The following SNX14 variants were observed in gnomAD, a reference collection of about 807,000 sequenced individuals.
SNX14 encodes the protein sorting nexin 14.
SNX14 carries 93 observed loss-of-function variants against 133.8 expected under a neutral mutation model. That is an observed-to-expected ratio of 0.70 (90% CI 0.59 to 0.83). SNX14 has a LOEUF of 0.83. SNX14 is among the 40% of genes least tolerant of loss of function. The pLI is 0.00. For synonymous variants in SNX14, 368 were observed against 365.6 expected, an observed-to-expected ratio of 1.01 and a Z score of -0.07; for missense variants, 945 against 1,094.9, an observed-to-expected ratio of 0.86 and a Z score of 1.93.
At chr6:85,589,380 C>T in intron 1 of SNX14, 1 of 153,712 alleles carries the variant, frequency 6.5e-6, no homozygotes, top group East Asian at 1.9e-4. Context: ...ACCTCCACAT[C>T]CAGCTAAATT....
chr6:85,565,803 TATAAA>T (rs776709246), intron 5 of SNX14, among the ~76,000 whole-genome samples: 25 of 152,168 alleles, frequency 1.6e-4, no homozygotes, highest in Non-Finnish European at 3.2e-4. Context: ...TTAAAATACT[TATAAA>T]ATAAATTCTA....
In SNX14 at chr6:85,593,464, C is replaced by T. The variant is rs932107175; in HGVS notation, c.140+115G>A. On this transcript the variant is annotated intron_variant, in intron 1 of 28. Transcript: ENST00000314673. Reference sequence around the variant, plus strand: ...GCCGCTCCTCTGCGGAGCTCGCTCTCCCCACTGGTCCCCAGTCCCGCAGCT... The same window carrying T: ...GCCGCTCCTCTGCGGAGCTCGCTCTTCCCACTGGTCCCCAGTCCCGCAGCT... 6.3e-6 allele frequency: 9 copies of T among 1,427,406 alleles called. No individual in the cohort carries two copies. In the East Asian group the frequency reaches 1.3e-4, roughly 21 times the overall value. The allele number at this position is 1,427,406 out of a possible 1,614,324, so 88.4% of individuals were successfully genotyped here.
At chr6:85,580,747 G>C (rs991856272) in intron 1 of SNX14, among the ~76,000 whole-genome samples, 2 of 152,176 alleles carry the variant, frequency 1.3e-5, no homozygotes, top group Admixed American at 6.5e-5. Context: ...GGTGGTAGTT[G>C]ACACGGAGAG....
intron 21 of SNX14, 48 bp from the exon 22 acceptor site, chr6:85,518,096 A>G: frequency 6.9e-7 from 1 of 1,448,102 alleles, no homozygotes; most frequent in Non-Finnish European, 9.6e-7. Flanking sequence ...AAAACTCTTC[A>G]TAATTGCTCA....
chr6:85,508,642 C>CAAACCAATCT (rs535699550), intron 26 of SNX14, among the ~76,000 whole-genome samples: 2,502 of 152,154 alleles, frequency 0.016, 35 homozygotes, highest in Middle Eastern at 0.051. Flanking sequence ...GCATAAGTTA[C>CAAACCAATCT]TATTAACCAT....
intron 10 of SNX14, 52 bp from the exon 11 acceptor site, chr6:85,547,449 A>T (rs1034423428): frequency 5.0e-6 from 8 of 1,605,750 alleles, no homozygotes; most frequent in Admixed American, 1.7e-5. Flanking sequence ...TTGATTTGAC[A>T]TACAAAATCA....
intron 21 of SNX14, among the ~76,000 whole-genome samples, chr6:85,524,783 CAG>C (rs1778046917): frequency 1.7e-5 from 2 of 114,498 alleles, no homozygotes; most frequent in South Asian, 5.6e-4. Flanking sequence ...GATTCCATCA[CAG>C]AAAAAAAAAA....
At position 85,572,542 on chromosome 6, in the gene SNX14, A is replaced by T. The variant is rs75116830; in HGVS notation, c.262-168T>A. 6.6e-3 allele frequency among the ~76,000 whole-genome samples: 947 copies of T among 142,674 alleles called. 7 individuals carry two copies. The highest frequency in any genetic ancestry group is 0.022 in the African/African-American group (898 of 40,524). 93.6% of individuals were successfully genotyped at this position (142,674 alleles called of 152,430 possible). ...CTTTGTAATACATAATACTGGCTAA[A>T]CTAAACCATCAGAGAAAAAAATACC... On this transcript the variant is annotated intron_variant, in intron 2 of 28. Transcript: ENST00000314673.
In SNX14 at chr6:85,546,689, G is replaced by A. The variant is rs141108166; in HGVS notation, c.1108+423C>T. Among the ~76,000 whole-genome samples, 1,171 of 152,182 alleles carry A rather than the reference G, an allele frequency of 7.7e-3. 13 individuals carry two copies. Among genetic ancestry groups the A allele is most frequent in the African/African-American group, 0.027 (1,129 of 41,538 alleles). On this transcript the variant is annotated intron_variant, in intron 12 of 28. Coordinates refer to ENST00000314673, the MANE Select transcript of SNX14 (RefSeq NM_153816.6). ...TAGAAAATCAAGTATATGGCCGGGC[G>A]CGGTGGCTCACGCCTGTAACCCCAG...
chr6:85,570,647 G>A (rs1795234871), intron 4 of SNX14, among the ~76,000 whole-genome samples: 1 of 152,116 alleles, frequency 6.6e-6, no homozygotes, highest in South Asian at 2.1e-4. Context: ...AAGGTCAGGA[G>A]TTCGAGACCA....
At chr6:85,577,691 C>T (rs1377914733) in intron 1 of SNX14, among the ~76,000 whole-genome samples, 2 of 151,858 alleles carry the variant, frequency 1.3e-5, no homozygotes, top group East Asian at 3.9e-4. Context: ...ATTTAAGAAC[C>T]AGGCAGAGGA....
At chr6:85,548,216 G>T in intron 9 of SNX14, 85 bp downstream of exon 9, 1 of 935,066 alleles carries the variant, frequency 1.1e-6, no homozygotes, top group South Asian at 1.5e-5. Flanking sequence ...CAGTATCACT[G>T]ACTATATACA....
At position 85,507,568 on chromosome 6, in the gene SNX14, AAC is replaced by A. The variant is rs1298507642; in HGVS notation, c.2746-281_2746-280del. Among the ~76,000 whole-genome samples, 4 of 152,312 alleles carry A rather than the reference AAC, an allele frequency of 2.6e-5. No homozygotes were observed. In the East Asian group the frequency reaches 7.7e-4, roughly 29 times the overall value. On this transcript the variant is annotated intron_variant, in intron 27 of 28. Transcript: ENST00000314673. ...ATATTTGAATTTTTAGAAAAACAAG[AAC>A]ACAAAATCACAACTGTATTGAGATC... is the stretch of plus-strand genomic sequence containing the variant.
chr6:85,543,197 G>A lies in SNX14; in HGVS notation c.1374C>T (p.Phe458=), dbSNP rs755269735. Residue 458 remains phenylalanine (F), a synonymous_variant, in exon 14 of 29, where the codon TTC becomes TTT. Coordinates refer to ENST00000314673, the MANE Select transcript of SNX14 (RefSeq NM_153816.6). ...TTTGACTTACCTCATCACTATGGCA[G>A]AACATAGGAGTAAATACATTCTCCA... is the stretch of plus-strand genomic sequence containing the variant. The part of the protein sequence containing the change: ...SLLENVFTPM[F]CHSDEYFRQL... 10 of 1,560,176 alleles carry A rather than the reference G, an allele frequency of 6.4e-6. No individual in the cohort carries two copies. The highest frequency in any genetic ancestry group is 2.8e-5 in the African/African-American group (2 of 71,776).
intron 6 of SNX14, 143 bp downstream of exon 6, chr6:85,565,189 T>C: frequency 3.9e-6 from 2 of 517,706 alleles, no homozygotes; most frequent in Non-Finnish European, 7.0e-6. Context: ...ATGTGATTAT[T>C]ACTTACTACA....
chr6:85,588,705 C>T (rs1392519077), intron 1 of SNX14, among the ~76,000 whole-genome samples: 3 of 152,208 alleles, frequency 2.0e-5, no homozygotes, highest in Non-Finnish European at 4.4e-5. Flanking sequence ...AAACTTAACT[C>T]CTAATAGTTT....
chr6:85,586,534 T>C (rs1235424924), intron 1 of SNX14, among the ~76,000 whole-genome samples: 2 of 152,208 alleles, frequency 1.3e-5, no homozygotes, highest in Admixed American at 1.3e-4. Flanking sequence ...TAACCAATTA[T>C]TGTTAATTTT....
intron 6 of SNX14, among the ~76,000 whole-genome samples, chr6:85,564,018 G>A (rs911669239): frequency 5.3e-5 from 8 of 152,020 alleles, no homozygotes; most frequent in African/African-American, 1.5e-4. Flanking sequence ...AAGAACATGC[G>A]GTGTTTGGTT....
intron 12 of SNX14, 137 bp from the exon 13 acceptor site, chr6:85,543,897 A>G: frequency 2.5e-6 from 1 of 394,440 alleles, no homozygotes; most frequent in African/African-American, 2.1e-5. Flanking sequence ...TTTTTAAAAA[A>G]TATTTGAGAA....
Sources: gnomAD v4.1 joint callset for allele counts (sites outside exome capture counted in the v4.1 genomes callset) on GRCh38, gnomAD v4.1.1 for gene constraint, MANE v1.5 for transcripts, NCBI Gene and HGNC (gene_info 2026-07-23, HGNC 2026-07-21) for gene names.